The following RUNX1T1 variants were observed in gnomAD, a reference collection of about 807,000 sequenced individuals.
RUNX1T1 encodes the protein protein CBFA2T1.
In RUNX1T1, 4 loss-of-function variants were observed where a neutral mutation model predicts 62.8. That is an observed-to-expected ratio of 0.06 (90% CI 0.03 to 0.15). The LOEUF (loss-of-function observed/expected upper bound fraction) is 0.15. Among genes scored for constraint, RUNX1T1 ranks in the 10% least tolerant of loss-of-function variants. The pLI, the probability that RUNX1T1 is intolerant of heterozygous loss-of-function variation, is 1.00. For missense variants in RUNX1T1, 508 were observed against 754.3 expected, an observed-to-expected ratio of 0.67 and a Z score of 3.82; for synonymous variants, 291 against 286.0, an observed-to-expected ratio of 1.02 and a Z score of -0.18.
intron 1 of RUNX1T1, chr8:92,095,661 AGACACAGGCAGGAGGGAAGGAGG>A (rs1181837394): frequency 1.1e-6 from 1 of 942,136 alleles, no homozygotes; most frequent in African/African-American, 1.8e-5. Flanking sequence ...AGGGAAGGAG[AGACACAGGCAGGAGGGAAGGAGG>A]GATGGAGGAG....
chr8:92,051,373 G>A lies in RUNX1T1; in HGVS notation c.7+11173C>T, dbSNP rs1168811328. Among the ~76,000 whole-genome samples the A allele has an allele frequency of 3.3e-5, 5 of 151,984 alleles. No homozygotes were observed. The South Asian group carries it at 8.3e-4, about 25-fold the overall frequency. Reference sequence around the variant, plus strand: ...GACAACCATACAAATGATTCCACAAGGCAAAATGTTTTAAGTGCCGTACGT... The same window carrying A: ...GACAACCATACAAATGATTCCACAAAGCAAAATGTTTTAAGTGCCGTACGT... On this transcript the variant is annotated intron_variant, in intron 1 of 10. Coordinates refer to ENST00000396218, the Ensembl canonical transcript of RUNX1T1.
At chr8:91,965,521 T>G (rs1476152491) in intron 10 of RUNX1T1, among the ~76,000 whole-genome samples, 6 of 152,148 alleles carry the variant, frequency 3.9e-5, no homozygotes, top group Non-Finnish European at 7.4e-5. Context: ...TGTAAGCAAA[T>G]TACTCTCAAA....
chr8:91,968,450 C>T (rs1812099350), intron 10 of RUNX1T1, among the ~76,000 whole-genome samples: 1 of 152,138 alleles, frequency 6.6e-6, no homozygotes, highest in Non-Finnish European at 1.5e-5. Context: ...GAAAACAGAA[C>T]AATCCATAAA....
chr8:92,028,120 A>T (rs961048983), intron 1 of RUNX1T1, among the ~76,000 whole-genome samples: 1 of 7,246 alleles, frequency 1.4e-4, no homozygotes, highest in Non-Finnish European at 2.5e-4. Flanking sequence ...GGGAGGGAGG[A>T]GGGGAGGGAG....
At chr8:91,985,168 G>C (rs1247294617) in intron 8 of RUNX1T1, among the ~76,000 whole-genome samples, 1 of 152,174 alleles carries the variant, frequency 6.6e-6, no homozygotes, top group Non-Finnish European at 1.5e-5. Flanking sequence ...TAGCAGATGG[G>C]TATGGGGCCA....
At chr8:92,026,910 G>A (rs939801292) in intron 1 of RUNX1T1, among the ~76,000 whole-genome samples, 32 of 151,354 alleles carry the variant, frequency 2.1e-4, no homozygotes, top group Non-Finnish European at 4.3e-4. Context: ...GAGGTCAGGA[G>A]ATCGAGACCA....
At chr8:92,093,894 C>T (rs1054482934) in intron 1 of RUNX1T1, among the ~76,000 whole-genome samples, 1 of 152,198 alleles carries the variant, frequency 6.6e-6, no homozygotes, top group Non-Finnish European at 1.5e-5. Context: ...TTCTCTGTAA[C>T]ATCCAATTCG....
chr8:91,996,219 T>A (rs1305346903), intron 5 of RUNX1T1, among the ~76,000 whole-genome samples: 2 of 152,212 alleles, frequency 1.3e-5, no homozygotes, highest in Non-Finnish European at 2.9e-5. Context: ...TTACTTTTTT[T>A]GAGACAGAGT....
At chr8:92,057,653 A>G (rs954394930) in intron 1 of RUNX1T1, among the ~76,000 whole-genome samples, 1 of 152,216 alleles carries the variant, frequency 6.6e-6, no homozygotes, top group Non-Finnish European at 1.5e-5. Context: ...GAAAAATATA[A>G]TTAAGCTAGA....
chr8:92,007,611 T>C (rs1157304855), intron 4 of RUNX1T1, among the ~76,000 whole-genome samples: 5 of 152,038 alleles, frequency 3.3e-5, no homozygotes, highest in African/African-American at 4.8e-5. Flanking sequence ...CTAGAATATA[T>C]GGTATAGTCT....
At chr8:92,025,863 G>A (rs1160267217) in intron 1 of RUNX1T1, among the ~76,000 whole-genome samples, 2 of 152,036 alleles carry the variant, frequency 1.3e-5, no homozygotes, top group African/African-American at 4.8e-5. Context: ...AAATACTACT[G>A]GATTATTCAA....
chr8:92,042,944 AAAC>A (rs1467529279), intron 1 of RUNX1T1, among the ~76,000 whole-genome samples: 1 of 152,192 alleles, frequency 6.6e-6, no homozygotes, highest in African/African-American at 2.4e-5. Context: ...AGACTTGAAA[AAAC>A]AACCACATTT....
chr8:92,071,527 C>G (rs1833669920), intron 2 of RUNX1T1: 1 of 151,624 alleles, frequency 6.6e-6, no homozygotes, highest in South Asian at 2.1e-4. Flanking sequence ...GCATGTCTGT[C>G]AGTGTGGTCC....
intron 4 of RUNX1T1, among the ~76,000 whole-genome samples, chr8:92,008,259 A>G (rs1205547568): frequency 6.6e-6 from 1 of 152,054 alleles, no homozygotes; most frequent in Non-Finnish European, 1.5e-5. Flanking sequence ...GCAGAGCATG[A>G]TATTCAGAAC....
At chr8:92,032,931 T>A (rs577259600) in intron 1 of RUNX1T1, among the ~76,000 whole-genome samples, 2 of 152,356 alleles carry the variant, frequency 1.3e-5, no homozygotes, top group East Asian at 1.9e-4. Flanking sequence ...AGTATTTTTT[T>A]AAATTAAAAC....
chr8:91,990,944 C>T (rs1469424702), intron 6 of RUNX1T1, among the ~76,000 whole-genome samples: 1 of 152,150 alleles, frequency 6.6e-6, no homozygotes. Flanking sequence ...TAGGTGTGAG[C>T]CACTGCACCC....
At chr8:91,984,381 T>A (rs1039616085) in intron 8 of RUNX1T1, among the ~76,000 whole-genome samples, 1 of 152,162 alleles carries the variant, frequency 6.6e-6, no homozygotes, top group Non-Finnish European at 1.5e-5. Flanking sequence ...TCTTTTATAG[T>A]GGATGGCAGA....
intron 5 of RUNX1T1, among the ~76,000 whole-genome samples, chr8:91,999,583 T>C (rs1436388783): frequency 2.6e-5 from 4 of 152,186 alleles, no homozygotes; most frequent in African/African-American, 7.2e-5. Context: ...AACCCAGGGT[T>C]AGAATCCCAT....
intron 9 of RUNX1T1, 24 bp downstream of exon 10, chr8:91,975,881 C>T: frequency 1.3e-6 from 2 of 1,546,840 alleles, no homozygotes; most frequent in Non-Finnish European, 1.8e-6. Flanking sequence ...GAACACGAAA[C>T]TCATGTTTTT....
Sources: gnomAD v4.1 joint callset for allele counts (sites outside exome capture counted in the v4.1 genomes callset) on GRCh38, gnomAD v4.1.1 for gene constraint, MANE v1.5 for transcripts, NCBI Gene and HGNC (gene_info 2026-07-23, HGNC 2026-07-21) for gene names.